ZNF385D: variants seen among roughly 807,000 people sequenced by gnomAD.
The protein encoded by ZNF385D is zinc finger protein 385D, also known as zinc finger protein 659.
In ZNF385D, 15 loss-of-function variants were observed where a neutral mutation model predicts 35.8. That is an observed-to-expected ratio of 0.42 (90% confidence interval 0.28 to 0.64). The LOEUF is 0.64. ZNF385D is among the 30% of genes least tolerant of loss of function. The pLI is 0.23. For synonymous variants in ZNF385D, 212 were observed against 186.8 expected (o/e 1.13, Z -1.10); for missense variants, 474 against 494.6 (o/e 0.96, Z 0.39).
chr3:21,544,898 A>T (rs992107193), intron 3 of ZNF385D, among the ~76,000 whole-genome samples: 1 of 152,214 alleles, frequency 6.6e-6, no homozygotes, highest in East Asian at 1.9e-4. Context: ...CGAATACTTC[A>T]GAGGGCCCCT....
intron 2 of ZNF385D, among the ~76,000 whole-genome samples, chr3:22,230,779 C>A (rs544513954): frequency 1.3e-5 from 2 of 152,120 alleles, no homozygotes; most frequent in African/African-American, 4.8e-5. Context: ...GTTAAGCTGA[C>A]CATGTTCTTT....
At chr3:22,245,287 C>T (rs1699714214) in intron 2 of ZNF385D, among the ~76,000 whole-genome samples, 1 of 151,994 alleles carries the variant, frequency 6.6e-6, no homozygotes, top group African/African-American at 2.4e-5. Context: ...ATTTCACCAC[C>T]ATTCTGACCT....
intron 3 of ZNF385D, among the ~76,000 whole-genome samples, chr3:21,953,656 G>C (rs1262012688): frequency 1.3e-5 from 2 of 151,862 alleles, no homozygotes; most frequent in Non-Finnish European, 2.9e-5. Context: ...AACATTCAAG[G>C]AATAGAGAGC....
At chr3:21,714,943 CTG>C (rs200730621) in intron 1 of ZNF385D, among the ~76,000 whole-genome samples, 11 of 152,264 alleles carry the variant, frequency 7.2e-5, no homozygotes, top group Admixed American at 3.3e-4. Context: ...TAGTTACCCT[CTG>C]CCCGATGCCC....
At chr3:21,613,844 C>T (rs1356468766) in intron 2 of ZNF385D, among the ~76,000 whole-genome samples, 1 of 152,112 alleles carries the variant, frequency 6.6e-6, no homozygotes, top group African/African-American at 2.4e-5. Flanking sequence ...CAATCACTGC[C>T]ACATATTATA....
chr3:22,274,043 A>G (rs1479438017), intron 2 of ZNF385D, among the ~76,000 whole-genome samples: 1 of 151,960 alleles, frequency 6.6e-6, no homozygotes, highest in African/African-American at 2.4e-5. Flanking sequence ...TATAAACAAT[A>G]TTTCTATTTA....
At chr3:22,354,182 C>T (rs1234090972) in intron 2 of ZNF385D, among the ~76,000 whole-genome samples, 1 of 152,080 alleles carries the variant, frequency 6.6e-6, no homozygotes, top group Non-Finnish European at 1.5e-5. Flanking sequence ...AAAGCCAGTT[C>T]TCCAACTCCC....
intron 3 of ZNF385D, among the ~76,000 whole-genome samples, chr3:21,930,241 T>C (rs918447276): frequency 6.7e-6 from 1 of 148,498 alleles, no homozygotes; most frequent in Non-Finnish European, 1.5e-5. Context: ...GGTATCTACA[T>C]GCAAAAGTAA....
At chr3:21,769,298 C>A (rs1259678800) in intron 3 of ZNF385D, among the ~76,000 whole-genome samples, 1 of 80,204 alleles carries the variant, frequency 1.2e-5, no homozygotes, top group Non-Finnish European at 2.3e-5. Flanking sequence ...CAAATTGTCC[C>A]TGTTTTGCAG....
chr3:21,434,594 G>A (rs1357235358), intron 5 of ZNF385D, among the ~76,000 whole-genome samples: 2 of 152,130 alleles, frequency 1.3e-5, no homozygotes, highest in Non-Finnish European at 2.9e-5. Flanking sequence ...TTCCAACACT[G>A]TTCAAGTTAC....
chr3:22,256,385 G>A (rs1244805562), intron 2 of ZNF385D, among the ~76,000 whole-genome samples: 2 of 151,492 alleles, frequency 1.3e-5, no homozygotes, highest in African/African-American at 2.4e-5. Flanking sequence ...TTTCAACACT[G>A]CTAATAGGAG....
At chr3:21,957,294 G>C (rs1296430217) in intron 3 of ZNF385D, 1 of 153,476 alleles carries the variant, frequency 6.5e-6, no homozygotes, top group Non-Finnish European at 1.4e-5. Flanking sequence ...GGTACCGGGA[G>C]TGGAGCATTG....
rs541951045 is a variant in ZNF385D, at chr3:21,603,435, A to G, written c.166-38751T>C. On this transcript the variant is annotated intron_variant, in intron 2 of 7. Transcript: ENST00000281523. ...CCTTAGGTACATTAATGATGCCTTA[A>G]TAGTTTTTGTAAGAGTCCAAAACTG... Among the ~76,000 whole-genome samples, 9 of 152,324 alleles carry G rather than the reference A, an allele frequency of 5.9e-5. No homozygotes were observed. The South Asian group carries it at 1.9e-3, about 32-fold the overall frequency.
chr3:21,591,042 T>A (rs1489153776), intron 2 of ZNF385D, among the ~76,000 whole-genome samples: 1 of 151,284 alleles, frequency 6.6e-6, no homozygotes, highest in Admixed American at 6.6e-5. Context: ...AAAAAAAAAA[T>A]TAAAAATGAG....
intron 3 of ZNF385D, among the ~76,000 whole-genome samples, chr3:21,989,265 C>G (rs1235352905): frequency 6.6e-6 from 1 of 152,170 alleles, no homozygotes; most frequent in Non-Finnish European, 1.5e-5. Context: ...CAACTTGTTT[C>G]TTACAACTAC....
intron 2 of ZNF385D, among the ~76,000 whole-genome samples, chr3:22,351,809 C>T (rs1285651086): frequency 2.0e-5 from 3 of 152,196 alleles, no homozygotes; most frequent in Non-Finnish European, 4.4e-5. Context: ...ATTGCTTGCC[C>T]TCCACCATAA....
intron 1 of ZNF385D, among the ~76,000 whole-genome samples, chr3:21,708,202 T>C (rs924276918): frequency 9.2e-5 from 14 of 152,240 alleles, no homozygotes; most frequent in Non-Finnish European, 2.1e-4. Context: ...TCAGTCTTTC[T>C]GGGTTAATTT....
At chr3:21,889,304 C>A (rs1271507836) in intron 3 of ZNF385D, among the ~76,000 whole-genome samples, 2 of 152,164 alleles carry the variant, frequency 1.3e-5, no homozygotes, top group African/African-American at 4.8e-5. Context: ...AAGGGGCCAG[C>A]TAGAAGGGCA....
chr3:21,703,682 A>T (rs1342746303), intron 1 of ZNF385D, among the ~76,000 whole-genome samples: 1 of 151,394 alleles, frequency 6.6e-6, no homozygotes, highest in Non-Finnish European at 1.5e-5. Context: ...AAAAAATGGC[A>T]TTCTCCTGTG....
Sources: allele counts gnomAD v4.1 joint callset (sites outside exome capture counted in the v4.1 genomes callset), GRCh38; gene constraint gnomAD v4.1.1; transcripts MANE v1.5; gene names NCBI Gene and HGNC (gene_info 2026-07-23, HGNC 2026-07-21).